SFMBT2: variants seen among roughly 807,000 people sequenced by gnomAD.
The protein encoded by SFMBT2 is Scm like with four mbt domains 2.
SFMBT2 carries 38 observed loss-of-function variants against 110.1 expected under a neutral mutation model. The observed-to-expected ratio is 0.35, with a 90% CI of 0.27 to 0.45. The LOEUF (loss-of-function observed/expected upper bound fraction) is 0.45, where lower values mean the gene tolerates loss of function less well. Among genes scored for constraint, SFMBT2 ranks in the 20% least tolerant of loss-of-function variants. The pLI, the probability that SFMBT2 is intolerant of heterozygous loss-of-function variation, is 1.00. For synonymous variants in SFMBT2, 425 were observed against 425.4 expected (o/e 1.00, Z 0.01); for missense variants, 1,011 against 1,094.9 (o/e 0.92, Z 1.08).
At chr10:7,315,188 T>C (rs998101925) in intron 4 of SFMBT2, among the ~76,000 whole-genome samples, 2 of 152,186 alleles carry the variant, frequency 1.3e-5, no homozygotes, top group South Asian at 4.1e-4. Context: ...CCATTGTGTG[T>C]GTCAATGTGC....
At chr10:7,409,211 C>A (rs1846305340) in intron 1 of SFMBT2, 1 of 152,086 alleles carries the variant, frequency 6.6e-6, no homozygotes. Flanking sequence ...GCCCCCTGCA[C>A]ACACGAAATC....
chr10:7,409,998 A>G (rs1045132272), intron 1 of SFMBT2, among the ~76,000 whole-genome samples: 2 of 151,588 alleles, frequency 1.3e-5, no homozygotes, highest in Admixed American at 1.3e-4. Context: ...CAATAAATAC[A>G]TCTCGCAGTT....
chr10:7,343,095 T>C (rs1387431866), intron 4 of SFMBT2, among the ~76,000 whole-genome samples: 4 of 152,230 alleles, frequency 2.6e-5, no homozygotes. Flanking sequence ...TGTCCATTTG[T>C]ACTCACTATT....
At chr10:7,396,137 G>C (rs1481520060) in intron 1 of SFMBT2, among the ~76,000 whole-genome samples, 1 of 152,132 alleles carries the variant, frequency 6.6e-6, no homozygotes, top group East Asian at 1.9e-4. Flanking sequence ...AGGGAGGCTG[G>C]AATTACAGGA....
chr10:7,341,765 C>T (rs1011728153), intron 4 of SFMBT2, among the ~76,000 whole-genome samples: 6 of 152,058 alleles, frequency 3.9e-5, no homozygotes, highest in East Asian at 1.9e-4. Context: ...GTCTGGAAAA[C>T]GAGGGTGGTA....
intron 4 of SFMBT2, among the ~76,000 whole-genome samples, chr10:7,319,602 T>C (rs1564437979): frequency 1.3e-5 from 2 of 152,220 alleles, no homozygotes; most frequent in East Asian, 3.8e-4. Context: ...AAAATCTTTT[T>C]GTAGCATGTA....
chr10:7,193,814 A>T (rs1449346987), intron 15 of SFMBT2, among the ~76,000 whole-genome samples: 1 of 152,192 alleles, frequency 6.6e-6, no homozygotes, highest in African/African-American at 2.4e-5. Flanking sequence ...ACCTCGTGCA[A>T]TGCAAAGGAA....
intron 4 of SFMBT2, among the ~76,000 whole-genome samples, chr10:7,364,181 T>C (rs1349921441): frequency 6.6e-6 from 1 of 152,212 alleles, no homozygotes; most frequent in East Asian, 1.9e-4. Flanking sequence ...CTGACTCTGC[T>C]CTCCATATTA....
At chr10:7,346,768 G>A (rs952715526) in intron 4 of SFMBT2, among the ~76,000 whole-genome samples, 13 of 147,094 alleles carry the variant, frequency 8.8e-5, no homozygotes, top group East Asian at 7.9e-4. Flanking sequence ...TCAAGAGTTC[G>A]AGACCAGCCT....
intron 4 of SFMBT2, among the ~76,000 whole-genome samples, chr10:7,363,691 A>T (rs1844800508): frequency 6.6e-6 from 1 of 152,130 alleles, no homozygotes; most frequent in African/African-American, 2.4e-5. Flanking sequence ...GTATGTCTTT[A>T]TTAGCAGTGT....
At chr10:7,257,682 T>G (rs1841070398) in intron 7 of SFMBT2, among the ~76,000 whole-genome samples, 1 of 152,196 alleles carries the variant, frequency 6.6e-6, no homozygotes, top group Non-Finnish European at 1.5e-5. Flanking sequence ...CCACATTTAC[T>G]TGAGGGGCTT....
chr10:7,380,640 T>C (rs1343677059), intron 2 of SFMBT2, among the ~76,000 whole-genome samples: 1 of 137,326 alleles, frequency 7.3e-6, no homozygotes, highest in Non-Finnish European at 1.6e-5. Context: ...CTGGTATGTA[T>C]AAACAATGCA....
intron 10 of SFMBT2, among the ~76,000 whole-genome samples, chr10:7,223,062 C>T (rs546313367): frequency 6.6e-6 from 1 of 152,278 alleles, no homozygotes; most frequent in African/African-American, 2.4e-5. Flanking sequence ...AAGACACTCA[C>T]ATGCTGAGGT....
At position 7,200,462 on chromosome 10, in the gene SFMBT2, T is replaced by C; in HGVS notation, c.1510A>G (p.Lys504Glu). ...AAACAAAGGTCATGAGGTATTTTCT[T>C]AACAGGCACTGTGGGCGGCAATCTG... is the stretch of plus-strand genomic sequence containing the variant. ...EKQLPPTVPV[K>E]KIPHDLCLFP... Residue 504 changes from lysine to glutamate, a missense_variant, in exon 14 of 21, where the codon AAG becomes GAG. Physicochemically the swap from Lys to Glu is moderately conservative, Grantham distance 56. Coordinates refer to ENST00000397167, the MANE Select transcript of SFMBT2 (RefSeq NM_001387889.1). The C allele has an allele frequency of 6.2e-7, 1 of 1,601,518 alleles. No individual in the cohort carries two copies. The highest frequency in any genetic ancestry group is 1.1e-5 in the South Asian group (1 of 89,014).
chr10:7,315,812 C>T (rs1379331884), intron 4 of SFMBT2, among the ~76,000 whole-genome samples: 1 of 152,184 alleles, frequency 6.6e-6, no homozygotes. Context: ...CCTCGGTTTC[C>T]ACAGGGACAA....
intron 1 of SFMBT2, among the ~76,000 whole-genome samples, chr10:7,390,346 CT>C (rs1196927860): frequency 6.6e-6 from 1 of 152,156 alleles, no homozygotes. Flanking sequence ...CTAGTTAAAA[CT>C]CATGAATTTT....
At chr10:7,193,879 G>A (rs2131587473) in intron 15 of SFMBT2, among the ~76,000 whole-genome samples, 1 of 152,334 alleles carries the variant, frequency 6.6e-6, no homozygotes, top group Non-Finnish European at 1.5e-5. Context: ...CTCCTGATAT[G>A]ACATAGATCA....
intron 4 of SFMBT2, chr10:7,329,609 T>G: frequency 1.6e-6 from 1 of 634,624 alleles, no homozygotes; most frequent in Non-Finnish European, 2.0e-6. Context: ...ATTCCTCGGT[T>G]AGAAATCCAG....
chr10:7,405,845 C>T (rs1284169486), intron 1 of SFMBT2, among the ~76,000 whole-genome samples: 1 of 142,256 alleles, frequency 7.0e-6, no homozygotes, highest in African/African-American at 2.5e-5. Context: ...CCCGCTCTCT[C>T]TGTCAGGAAT....
Sources: gnomAD v4.1 joint callset for allele counts (sites outside exome capture counted in the v4.1 genomes callset) on GRCh38, gnomAD v4.1.1 for gene constraint, MANE v1.5 for transcripts, NCBI Gene and HGNC (gene_info 2026-07-23, HGNC 2026-07-21) for gene names.